The following PAMR1 variants were observed in gnomAD, a reference collection of about 807,000 sequenced individuals.
The protein encoded by PAMR1 is peptidase domain containing associated with muscle regeneration 1, also known as inactive serine protease PAMR1.
In PAMR1, 88 loss-of-function variants were observed where a neutral mutation model predicts 81.8. The observed-to-expected ratio is 1.08, with a 90% CI of 0.91 to 1.28. The LOEUF (loss-of-function observed/expected upper bound fraction) is 1.28. Among genes scored for constraint, PAMR1 ranks in the 50% most tolerant of loss-of-function variants. PAMR1 has a pLI of 0.00. For synonymous variants in PAMR1, 336 were observed against 345.3 expected (o/e 0.97, Z 0.30); for missense variants, 935 against 919.7 (o/e 1.02, Z -0.21).
At chr11:35,487,777 T>A (rs1294015104) in intron 3 of PAMR1, among the ~76,000 whole-genome samples, 1 of 152,134 alleles carries the variant, frequency 6.6e-6, no homozygotes, top group African/African-American at 2.4e-5. Flanking sequence ...GAGTAAGGGG[T>A]CTGGAATCGT....
At chr11:35,448,616 C>T (rs1225846644) in intron 6 of PAMR1, among the ~76,000 whole-genome samples, 2 of 152,200 alleles carry the variant, frequency 1.3e-5, no homozygotes, top group Non-Finnish European at 2.9e-5. Flanking sequence ...TTCATTATTA[C>T]TTACCTTTTG....
intron 6 of PAMR1, among the ~76,000 whole-genome samples, chr11:35,453,764 GT>G (rs943359187): frequency 2.0e-4 from 30 of 151,876 alleles, no homozygotes; most frequent in Middle Eastern, 6.8e-3. Flanking sequence ...AGTGGGATGG[GT>G]TTTTTTTGGT....
At chr11:35,504,795 TTTATC>T (rs1015214870) in intron 1 of PAMR1, among the ~76,000 whole-genome samples, 2 of 152,006 alleles carry the variant, frequency 1.3e-5, no homozygotes, top group Non-Finnish European at 2.9e-5. Flanking sequence ...GTTTGTTGAT[TTTATC>T]TTTTCAAAAA....
intron 1 of PAMR1, chr11:35,513,455 T>C (rs1851108454): frequency 6.6e-6 from 1 of 152,168 alleles, no homozygotes; most frequent in African/African-American, 2.4e-5. Context: ...CTGGTCTGGC[T>C]CTCAGGTATG....
intron 1 of PAMR1, among the ~76,000 whole-genome samples, chr11:35,519,055 G>C (rs1332078173): frequency 6.6e-6 from 1 of 152,182 alleles, no homozygotes; most frequent in East Asian, 1.9e-4. Context: ...CAATGATAAA[G>C]ATGCCCAGAC....
At chr11:35,454,221 C>T (rs899335540) in intron 6 of PAMR1, among the ~76,000 whole-genome samples, 5 of 152,156 alleles carry the variant, frequency 3.3e-5, no homozygotes, top group African/African-American at 7.2e-5. Context: ...AGCTGAGAAC[C>T]GGCACTTACA....
intron 1 of PAMR1, among the ~76,000 whole-genome samples, chr11:35,498,323 T>A (rs1390221391): frequency 6.6e-6 from 1 of 152,120 alleles, no homozygotes; most frequent in African/African-American, 2.4e-5. Flanking sequence ...AGACCTGCAT[T>A]TGGAATCTCC....
intron 6 of PAMR1, among the ~76,000 whole-genome samples, chr11:35,450,129 C>CA (rs60887441): frequency 0.012 from 518 of 43,050 alleles, 133 homozygotes; most frequent in East Asian, 0.031. Flanking sequence ...TGCCTCCAGG[C>CA]AAAAAAAAAA....
At chr11:35,478,586 A>G (rs1850324483) in intron 3 of PAMR1, among the ~76,000 whole-genome samples, 1 of 152,108 alleles carries the variant, frequency 6.6e-6, no homozygotes, top group Non-Finnish European at 1.5e-5. Flanking sequence ...GAATGCCTTC[A>G]ATTCCCTCTC....
intron 6 of PAMR1, among the ~76,000 whole-genome samples, chr11:35,445,916 C>T (rs1856280971): frequency 1.3e-5 from 2 of 152,266 alleles, no homozygotes; most frequent in Admixed American, 1.3e-4. Context: ...GGTACCAGAT[C>T]CTCTCTGTAC....
At chr11:35,528,575 A>T (rs575522996), upstream of PAMR1, among the ~76,000 whole-genome samples, 1 of 152,332 alleles carries the variant, frequency 6.6e-6, no homozygotes, top group South Asian at 2.1e-4. Context: ...AGTTAATAAA[A>T]AACTTTTGTT....
chr11:35,495,698 C>T (rs11033146), intron 1 of PAMR1, among the ~76,000 whole-genome samples: 5,386 of 152,242 alleles, frequency 0.035, 334 homozygotes, highest in African/African-American at 0.12. Flanking sequence ...CCTGCAGTGG[C>T]TTCTAAACCC....
rs556514441 is a variant in PAMR1, at chr11:35,489,808, C to G, written c.379+2237G>C. Among the ~76,000 whole-genome samples, 31 of 152,338 alleles carry G rather than the reference C, an allele frequency of 2.0e-4. 1 individual carries two copies. In the South Asian group the frequency reaches 6.4e-3, roughly 32 times the overall value. On this transcript the variant is annotated intron_variant, in intron 3 of 10. Coordinates refer to ENST00000619888, the MANE Select transcript of PAMR1 (RefSeq NM_001001991.3). ...CTGTCTGAAACCTTACCTCCCTCTC[C>G]CTGTCATTAACTGTTCTGTTAGCTA...
In PAMR1 at chr11:35,432,431, T is replaced by C. The variant is rs202178376; in HGVS notation, c.2088A>G (p.Thr696=). 7 of 1,614,042 alleles carry C rather than the reference T, an allele frequency of 4.3e-6. No homozygotes were observed. Among genetic ancestry groups the C allele is most frequent in the Non-Finnish European group, 1.7e-6 (2 of 1,180,046 alleles). Reference sequence around the variant, plus strand: ...AGGCAGTGGAGAGCCTGTGGCTGCATGTTTTATCATAGCTCCAGCTGACCA... The same window carrying C: ...AGGCAGTGGAGAGCCTGTGGCTGCACGTTTTATCATAGCTCCAGCTGACCA... The part of the protein sequence containing the change: ...MGLVSWSYDK[T]CSHRLSTAFT... Residue 696 remains threonine, a synonymous_variant, in exon 11 of 11, where the codon ACA becomes ACG. Coordinates refer to ENST00000619888, the MANE Select transcript of PAMR1 (RefSeq NM_001001991.3).
At chr11:35,460,928 A>C (rs1163208805) in intron 6 of PAMR1, among the ~76,000 whole-genome samples, 1 of 152,208 alleles carries the variant, frequency 6.6e-6, no homozygotes, top group Non-Finnish European at 1.5e-5. Context: ...CAGTCCCACC[A>C]ACAGTGTAAA....
intron 3 of PAMR1, among the ~76,000 whole-genome samples, chr11:35,488,519 C>T (rs185597965): frequency 1.3e-5 from 2 of 151,010 alleles, no homozygotes; most frequent in Non-Finnish European, 3.0e-5. Context: ...CTGCACCCGG[C>T]CTTTCCCATC....
chr11:35,439,221 C>T (rs1385927389), intron 8 of PAMR1, among the ~76,000 whole-genome samples: 1 of 152,224 alleles, frequency 6.6e-6, no homozygotes, highest in Non-Finnish European at 1.5e-5. Flanking sequence ...CCTCATCTCA[C>T]TGGTTACCTC....
intron 6 of PAMR1, among the ~76,000 whole-genome samples, chr11:35,463,874 G>T (rs1856709934): frequency 6.6e-6 from 1 of 152,142 alleles, no homozygotes; most frequent in Non-Finnish European, 1.5e-5. Context: ...TTTATCTCCT[G>T]TCCCATGAAA....
chr11:35,505,981 T>C (rs1850942708), intron 1 of PAMR1, among the ~76,000 whole-genome samples: 1 of 152,136 alleles, frequency 6.6e-6, no homozygotes, highest in Admixed American at 6.5e-5. Context: ...TCGGGTAGTA[T>C]GTTTGAATTC....
Sources: allele counts gnomAD v4.1 joint callset (sites outside exome capture counted in the v4.1 genomes callset), GRCh38; gene constraint gnomAD v4.1.1; transcripts MANE v1.5; gene names NCBI Gene and HGNC (gene_info 2026-07-23, HGNC 2026-07-21).